SAMD3: variants seen among roughly 807,000 people sequenced by gnomAD.
The protein encoded by SAMD3 is sterile alpha motif domain containing 3.
SAMD3 carries 63 observed loss-of-function variants against 58.5 expected under a neutral mutation model. The ratio of observed to expected loss-of-function variants is 1.08; its 90% CI spans 0.88 to 1.33. The LOEUF (loss-of-function observed/expected upper bound fraction) is 1.33. SAMD3 is among the 40% of genes most tolerant of loss of function. The pLI, the probability that SAMD3 is intolerant of heterozygous loss-of-function variation, is 0.00. For missense variants in SAMD3, 604 were observed against 608.4 expected (o/e 0.99, Z 0.08); for synonymous variants, 220 against 210.3 (o/e 1.05, Z -0.40).
chr6:130,152,748 A>G (rs916998709), intron 9 of SAMD3, among the ~76,000 whole-genome samples: 7 of 152,132 alleles, frequency 4.6e-5, no homozygotes, highest in African/African-American at 1.7e-4. Flanking sequence ...CATTACAAAA[A>G]CCATACTCCA....
intron 8 of SAMD3, among the ~76,000 whole-genome samples, chr6:130,164,585 C>G (rs1790558660): frequency 6.6e-6 from 1 of 152,082 alleles, no homozygotes; most frequent in Non-Finnish European, 1.5e-5. Context: ...GTATTACCTG[C>G]AACAGGCAAG....
At chr6:130,248,605 T>TC (rs1388081633) in intron 2 of SAMD3, among the ~76,000 whole-genome samples, 1 of 152,068 alleles carries the variant, frequency 6.6e-6, no homozygotes, top group Non-Finnish European at 1.5e-5. Context: ...AGCCTGTCCA[T>TC]CCCCTAGGTC....
intron 8 of SAMD3, among the ~76,000 whole-genome samples, chr6:130,174,150 C>G (rs995562056): frequency 6.6e-6 from 1 of 152,204 alleles, no homozygotes; most frequent in African/African-American, 2.4e-5. Flanking sequence ...GACCACTTGG[C>G]TCCCTGGCTT....
At chr6:130,198,199 G>A (rs531430129) in intron 5 of SAMD3, among the ~76,000 whole-genome samples, 4 of 152,120 alleles carry the variant, frequency 2.6e-5, no homozygotes, top group Non-Finnish European at 5.9e-5. Context: ...CTGTTTGGTG[G>A]TCTCTTCACA....
chr6:130,269,135 T>G (rs10457543), intron 2 of SAMD3, among the ~76,000 whole-genome samples: 47,268 of 152,032 alleles, frequency 0.31, 7,718 homozygotes, highest in East Asian at 0.47. Flanking sequence ...TTGGTATAAG[T>G]TGTGAAGTTT....
intron 2 of SAMD3, among the ~76,000 whole-genome samples, chr6:130,304,252 C>T (rs1048218526): frequency 1.3e-5 from 2 of 152,150 alleles, no homozygotes; most frequent in East Asian, 3.9e-4. Context: ...TTACTGCAAC[C>T]TCCGCCTCTT....
chr6:130,357,375 C>T (rs1423135888), intron 1 of SAMD3, among the ~76,000 whole-genome samples: 2 of 152,004 alleles, frequency 1.3e-5, no homozygotes, highest in Admixed American at 1.3e-4. Flanking sequence ...CTGCCCGCCT[C>T]GGCCTCCCAA....
At chr6:130,251,148 T>G (rs1009717396) in intron 2 of SAMD3, among the ~76,000 whole-genome samples, 1 of 152,218 alleles carries the variant, frequency 6.6e-6, no homozygotes, top group Non-Finnish European at 1.5e-5. Context: ...TAAAGTGGTA[T>G]CTTATTGTGG....
chr6:130,259,482 A>G (rs1774039549), intron 2 of SAMD3, among the ~76,000 whole-genome samples: 1 of 152,238 alleles, frequency 6.6e-6, no homozygotes, highest in Non-Finnish European at 1.5e-5. Context: ...ATCAGCCTCC[A>G]TGATCCAAAC....
chr6:130,235,096 C>T (rs927160349), intron 2 of SAMD3, among the ~76,000 whole-genome samples: 1 of 152,132 alleles, frequency 6.6e-6, no homozygotes, highest in African/African-American at 2.4e-5. Flanking sequence ...GCCTGGGCTA[C>T]AGAGCATAAC....
intron 8 of SAMD3, among the ~76,000 whole-genome samples, chr6:130,172,700 G>A (rs988706894): frequency 1.3e-5 from 2 of 152,078 alleles, no homozygotes; most frequent in South Asian, 2.1e-4. Context: ...TGCTCTTCTT[G>A]AGGAGTATCT....
intron 1 of SAMD3, among the ~76,000 whole-genome samples, chr6:130,314,700 G>A (rs963012514): frequency 2.0e-5 from 3 of 152,156 alleles, no homozygotes; most frequent in Non-Finnish European, 4.4e-5. Context: ...ATTCTTCACA[G>A]ATAAATATCT....
chr6:130,228,027 C>T (rs1386406367), intron 2 of SAMD3, among the ~76,000 whole-genome samples: 1 of 152,140 alleles, frequency 6.6e-6, no homozygotes, highest in African/African-American at 2.4e-5. Context: ...GCAAGTAAAA[C>T]TAGTTACACT....
chr6:130,231,674 GTGTGTA>G (rs1796554264), intron 2 of SAMD3, among the ~76,000 whole-genome samples: 1 of 152,198 alleles, frequency 6.6e-6, no homozygotes, highest in South Asian at 2.1e-4. Flanking sequence ...AATTGTTTCT[GTGTGTA>G]TGTGTATGTG....
intron 2 of SAMD3, among the ~76,000 whole-genome samples, chr6:130,269,103 G>A (rs1040713777): frequency 1.3e-5 from 2 of 151,998 alleles, no homozygotes; most frequent in South Asian, 2.1e-4. Flanking sequence ...CTTTAAGTCC[G>A]TGATCCATTT....
intron 7 of SAMD3, among the ~76,000 whole-genome samples, chr6:130,181,242 C>T (rs565790213): frequency 2.6e-5 from 4 of 152,198 alleles, no homozygotes; most frequent in South Asian, 2.1e-4. Context: ...CCACCGTACC[C>T]GGCCCCAAAT....
At chr6:130,167,283 A>G (rs755389077) in intron 8 of SAMD3, among the ~76,000 whole-genome samples, 7 of 152,224 alleles carry the variant, frequency 4.6e-5, no homozygotes, top group Non-Finnish European at 8.8e-5. Flanking sequence ...AAAAATACAT[A>G]TGAAACGCTT....
intron 1 of SAMD3, among the ~76,000 whole-genome samples, chr6:130,220,925 C>T (rs1479853874): frequency 6.6e-6 from 1 of 152,006 alleles, no homozygotes; most frequent in East Asian, 1.9e-4. Context: ...ACGATCTCGG[C>T]TCACTGCAAG....
At chr6:130,321,456 G>A (rs1776581843) in intron 1 of SAMD3, among the ~76,000 whole-genome samples, 1 of 152,138 alleles carries the variant, frequency 6.6e-6, no homozygotes, top group Non-Finnish European at 1.5e-5. Context: ...GCTGACCCAT[G>A]GAAATGGCGA....
Sources: allele counts gnomAD v4.1 joint callset (sites outside exome capture counted in the v4.1 genomes callset), GRCh38; gene constraint gnomAD v4.1.1; transcripts MANE v1.5; gene names NCBI Gene and HGNC (gene_info 2026-07-23, HGNC 2026-07-21).